Variants in MEI4 observed in about 807,000 individuals in gnomAD.
MEI4 encodes meiotic double-stranded break formation protein 4.
MEI4 carries 27 observed loss-of-function variants against 31.4 expected under a neutral mutation model. The ratio of observed to expected loss-of-function variants is 0.86; its 90% confidence interval spans 0.63 to 1.19. MEI4 has a LOEUF of 1.19. Among genes scored for constraint, MEI4 ranks in the 50% most tolerant of loss-of-function variants. The probability of loss-of-function intolerance (pLI) is 0.00; values close to 1 mark genes in which losing one functional copy is unlikely to be tolerated. For missense variants in MEI4, 329 were observed against 398.9 expected, an observed-to-expected ratio of 0.82 and a Z score of 1.49; for synonymous variants, 122 against 145.4, an observed-to-expected ratio of 0.84 and a Z score of 1.16.
At chr6:77,750,809 A>G (rs930558184) in intron 2 of MEI4, among the ~76,000 whole-genome samples, 7 of 152,210 alleles carry the variant, frequency 4.6e-5, no homozygotes, top group Admixed American at 6.5e-5. Context: ...CCAAATCAAC[A>G]GAATATATAT....
chr6:77,748,265 C>A (rs924239057), intron 2 of MEI4, among the ~76,000 whole-genome samples: 32 of 152,330 alleles, frequency 2.1e-4, no homozygotes, highest in Non-Finnish European at 1.0e-4. Flanking sequence ...TGAGGCCTCT[C>A]CCCCTGCAGC....
chr6:77,834,474 A>G (rs1770164468), intron 4 of MEI4, among the ~76,000 whole-genome samples: 1 of 148,654 alleles, frequency 6.7e-6, no homozygotes, highest in Non-Finnish European at 1.5e-5. Flanking sequence ...ATAAGATTTT[A>G]TAATATAATT....
At chr6:77,675,882 C>CGA (rs1195727691) in intron 1 of MEI4, among the ~76,000 whole-genome samples, 1 of 152,170 alleles carries the variant, frequency 6.6e-6, no homozygotes, top group African/African-American at 2.4e-5. Flanking sequence ...AGCCGAGTGT[C>CGA]CCTGAGGTGT....
intron 4 of MEI4, among the ~76,000 whole-genome samples, chr6:77,865,123 A>G (rs1770986425): frequency 6.6e-6 from 1 of 152,230 alleles, no homozygotes; most frequent in South Asian, 2.1e-4. Context: ...CCCACAAGAG[A>G]AAGCAGAAAA....
intron 2 of MEI4, among the ~76,000 whole-genome samples, chr6:77,707,652 A>C (rs1283949990): frequency 6.6e-6 from 1 of 152,220 alleles, no homozygotes; most frequent in East Asian, 1.9e-4. Context: ...CTGAGGAGAC[A>C]GCCCCTTCCA....
chr6:77,840,389 A>G (rs1291594746), intron 4 of MEI4, among the ~76,000 whole-genome samples: 2 of 152,164 alleles, frequency 1.3e-5, no homozygotes, highest in East Asian at 3.9e-4. Flanking sequence ...CATATATACT[A>G]TTGTGGTCCC....
chr6:77,842,746 G>A (rs572580631), intron 4 of MEI4, among the ~76,000 whole-genome samples: 2 of 152,164 alleles, frequency 1.3e-5, no homozygotes, highest in East Asian at 3.9e-4. Context: ...GTAAAGGGAA[G>A]TGGACATCAT....
chr6:77,848,431 C>T (rs148918926), intron 4 of MEI4, among the ~76,000 whole-genome samples: 22 of 152,234 alleles, frequency 1.4e-4, no homozygotes, highest in African/African-American at 5.3e-4. Context: ...AGACAGTTCC[C>T]TGACATTTTG....
intron 4 of MEI4, among the ~76,000 whole-genome samples, chr6:77,910,826 T>C (rs1766417710): frequency 6.6e-6 from 1 of 152,054 alleles, no homozygotes; most frequent in Admixed American, 6.6e-5. Context: ...TTTTGTTTTT[T>C]TGAGAAATCA....
intron 3 of MEI4, among the ~76,000 whole-genome samples, chr6:77,769,036 C>G (rs955264337): frequency 1.3e-5 from 2 of 152,042 alleles, no homozygotes; most frequent in African/African-American, 4.8e-5. Flanking sequence ...TTCATAAGAA[C>G]CAAAAATCAG....
intron 3 of MEI4, among the ~76,000 whole-genome samples, chr6:77,803,105 A>G (rs1420290235): frequency 6.6e-6 from 1 of 152,204 alleles, no homozygotes; most frequent in Admixed American, 6.5e-5. Context: ...ACTTTCAGGT[A>G]CACCAATCAG....
chr6:77,796,389 T>G (rs1473157836), intron 3 of MEI4, among the ~76,000 whole-genome samples: 1 of 151,980 alleles, frequency 6.6e-6, no homozygotes, highest in African/African-American at 2.4e-5. Context: ...GAAAAAGAAA[T>G]AAAAGATTCA....
At chr6:77,821,923 C>T (rs974727283) in intron 3 of MEI4, among the ~76,000 whole-genome samples, 7 of 151,548 alleles carry the variant, frequency 4.6e-5, no homozygotes, top group African/African-American at 1.7e-4. Flanking sequence ...ATTTAGGCTT[C>T]ATCTTAGAAA....
intron 3 of MEI4, among the ~76,000 whole-genome samples, chr6:77,797,623 A>G (rs946743323): frequency 6.6e-6 from 1 of 152,108 alleles, no homozygotes; most frequent in African/African-American, 2.4e-5. Flanking sequence ...CAGGAGTCCA[A>G]AGGTTGAAGA....
intron 2 of MEI4, among the ~76,000 whole-genome samples, chr6:77,729,207 G>T (rs1032952061): frequency 6.6e-6 from 1 of 152,144 alleles, no homozygotes; most frequent in Non-Finnish European, 1.5e-5. Flanking sequence ...GCTATCCAAA[G>T]AATAGTAGTG....
chr6:77,841,056 T>C (rs2127714655), intron 4 of MEI4, among the ~76,000 whole-genome samples: 1 of 152,128 alleles, frequency 6.6e-6, no homozygotes, highest in East Asian at 1.9e-4. Context: ...GAGAAACTTG[T>C]GATTTCAGGA....
At chr6:77,833,786 T>TC (rs1168226997) in intron 4 of MEI4, among the ~76,000 whole-genome samples, 4 of 152,096 alleles carry the variant, frequency 2.6e-5, no homozygotes, top group Admixed American at 2.0e-4. Flanking sequence ...CCCCTACCTT[T>TC]CCCCGCACCC....
chr6:77,846,353 T>G (rs1562010260), intron 4 of MEI4, among the ~76,000 whole-genome samples: 1 of 152,170 alleles, frequency 6.6e-6, no homozygotes, highest in Non-Finnish European at 1.5e-5. Flanking sequence ...TCTTTTTATC[T>G]TTTATTGGAT....
At chr6:77,826,669 G>A (rs12528962) in intron 3 of MEI4, among the ~76,000 whole-genome samples, 8,983 of 152,176 alleles carry the variant, frequency 0.059, 397 homozygotes, top group Non-Finnish European at 0.094. Context: ...CACTTTAGAG[G>A]GAGTATTCCT....
Sources: allele counts gnomAD v4.1 joint callset (sites outside exome capture counted in the v4.1 genomes callset), GRCh38; gene constraint gnomAD v4.1.1; transcripts MANE v1.5; gene names NCBI Gene and HGNC (gene_info 2026-07-23, HGNC 2026-07-21).